Variants in SGIP1 observed in about 807,000 individuals in gnomAD.
The protein encoded by SGIP1 is SH3GL interacting endocytic adaptor 1, also known as SH3-containing GRB2-like protein 3-interacting protein 1.
SGIP1 carries 38 observed loss-of-function variants against 107.5 expected under a neutral mutation model. The ratio of observed to expected loss-of-function variants is 0.35; its 90% confidence interval spans 0.27 to 0.46. The LOEUF (loss-of-function observed/expected upper bound fraction) is 0.46, where lower values mean the gene tolerates loss of function less well. Among genes scored for constraint, SGIP1 ranks in the 20% least tolerant of loss-of-function variants. The pLI, the probability that SGIP1 is intolerant of heterozygous loss-of-function variation, is 1.00. For missense variants in SGIP1, 929 were observed against 1,019.5 expected (o/e 0.91, Z 1.21); for synonymous variants, 365 against 366.1 (o/e 1.00, Z 0.03).
intron 8 of SGIP1, among the ~76,000 whole-genome samples, chr1:66,663,910 G>A (rs968768600): frequency 5.9e-5 from 9 of 152,176 alleles, no homozygotes; most frequent in African/African-American, 1.9e-4. Flanking sequence ...AAAAGTAATA[G>A]CAAAAAACCG....
intron 1 of SGIP1, among the ~76,000 whole-genome samples, chr1:66,590,859 A>G (rs1454367879): frequency 6.6e-6 from 1 of 152,216 alleles, no homozygotes; most frequent in African/African-American, 2.4e-5. Flanking sequence ...TGCTAGAGTT[A>G]CAGGCCTGAT....
Position 66,730,429 on chromosome 1 carries a change from C to A in SGIP1, c.1898+1010C>A, listed in dbSNP as rs2093954586. Among the ~76,000 whole-genome samples, 3 of 152,124 alleles carry A rather than the reference C, an allele frequency of 2.0e-5. No individual in the cohort carries two copies. In the South Asian group the frequency reaches 6.2e-4, roughly 31 times the overall value. On this transcript the variant is annotated intron_variant, in intron 20 of 24. Coordinates refer to ENST00000371037, the MANE Select transcript of SGIP1 (RefSeq NM_032291.4). ...AATGAGCTGAAAGAAGTCTTCTTGA[C>A]AGCTTCTCCATCAAGTCCTGATGTT... is the stretch of plus-strand genomic sequence containing the variant.
At chr1:66,621,437 T>C (rs111886926) in intron 1 of SGIP1, among the ~76,000 whole-genome samples, 5 of 152,224 alleles carry the variant, frequency 3.3e-5, no homozygotes, top group African/African-American at 9.6e-5. Flanking sequence ...TTTTTTATCA[T>C]GGTAAAATAC....
chr1:66,624,500 G>A (rs1002749851), intron 1 of SGIP1, among the ~76,000 whole-genome samples: 2 of 152,090 alleles, frequency 1.3e-5, no homozygotes, highest in African/African-American at 4.8e-5. Flanking sequence ...TGTCTTAAAT[G>A]GATGACTATT....
At position 66,639,801 on chromosome 1, in the gene SGIP1, G is replaced by A; in HGVS notation, c.196G>A (p.Gly66Arg). 6.2e-7 allele frequency: 1 copy of A among 1,611,826 alleles called. No homozygotes were observed. The highest frequency in any genetic ancestry group is 1.7e-4 in the Middle Eastern group (1 of 6,044). Residue 66 changes from glycine (G) to arginine (R), a missense_variant, in exon 5 of 25, where the codon GGA becomes AGA. By Grantham distance (125) the Gly-to-Arg change is moderately radical. Around this residue, in one of 2 missense-constraint regions of SGIP1, gnomAD observed 588 missense variants for 588.6 expected, o/e 1.00. Coordinates refer to ENST00000371037, the MANE Select transcript of SGIP1 (RefSeq NM_032291.4). ...GAAGAAAAGCAATGGGGCACCAAAT[G>A]GATTTTATGCGGAAATTGATTGGGA... ...VSKKSNGAPN[G>R]FYAEIDWERY...
chr1:66,572,651 T>C (rs1293532839), intron 1 of SGIP1, among the ~76,000 whole-genome samples: 1 of 152,060 alleles, frequency 6.6e-6, no homozygotes. Flanking sequence ...ATGATAGTAG[T>C]TTCAAGCTCT....
chr1:66,739,600 T>C, intron 22 of SGIP1, 63 bp downstream of exon 22: 1 of 1,539,780 alleles, frequency 6.5e-7, no homozygotes, highest in Non-Finnish European at 8.9e-7. Context: ...ACAGACTCCT[T>C]AGCACTTGCG....
chr1:66,639,993 C>G (rs182141370), intron 5 of SGIP1, among the ~76,000 whole-genome samples, 160 bp downstream of exon 5: 104 of 152,252 alleles, frequency 6.8e-4, no homozygotes, highest in Non-Finnish European at 2.9e-4. Context: ...TAGAGTCTGT[C>G]AGAACTGGGT....
intron 20 of SGIP1, 87 bp from the exon 21 acceptor site, chr1:66,733,661 T>C (rs2094115317): frequency 1.4e-6 from 2 of 1,450,568 alleles, no homozygotes; most frequent in Non-Finnish European, 1.9e-6. Context: ...GCTGTACATA[T>C]CAGACGACAA....
rs1265422039 is a variant in SGIP1 at position 66,746,101 on chromosome 1, T to A, written c.*3006T>A. ...TTTTTTTTGTTTTATATATTCTTAG[T>A]CAGCAGAGTGTTTGAGCTATAATTA... On this transcript the variant is annotated 3_prime_UTR_variant, in exon 25 of 25. Coordinates refer to ENST00000371037, the MANE Select transcript of SGIP1 (RefSeq NM_032291.4). The A allele has an allele frequency of 6.6e-6, 1 of 152,162 alleles. No individual in the cohort carries two copies. Among genetic ancestry groups the A allele is most frequent in the Non-Finnish European group, 1.5e-5 (1 of 67,984 alleles). 9.4% of individuals were successfully genotyped at this position (152,162 alleles called of 1,614,324 possible). A position where few individuals can be genotyped will look rare whatever the true frequency, so the allele number is the denominator to read the frequency against.
chr1:66,653,777 C>CA (rs1297882891), intron 7 of SGIP1, among the ~76,000 whole-genome samples: 1 of 152,092 alleles, frequency 6.6e-6, no homozygotes, highest in Non-Finnish European at 1.5e-5. Context: ...TAATTGCAAT[C>CA]AAAAAACGCT....
At chr1:66,583,894 C>A (rs780844762) in intron 1 of SGIP1, among the ~76,000 whole-genome samples, 1 of 152,118 alleles carries the variant, frequency 6.6e-6, no homozygotes, top group Non-Finnish European at 1.5e-5. Context: ...AGCTTTGGTT[C>A]ATAAAGGTTA....
intron 24 of SGIP1, among the ~76,000 whole-genome samples, chr1:66,741,924 C>T (rs1380198587): frequency 1.3e-5 from 2 of 152,020 alleles, no homozygotes; most frequent in Non-Finnish European, 2.9e-5. Context: ...CCCACCACCA[C>T]GCATGGCTAA....
At chr1:66,631,938 G>A (rs758554040) in intron 2 of SGIP1, among the ~76,000 whole-genome samples, 1 of 152,090 alleles carries the variant, frequency 6.6e-6, no homozygotes, top group Non-Finnish European at 1.5e-5. Flanking sequence ...TAAAATGGGA[G>A]GTTATAAAAT....
intron 17 of SGIP1, chr1:66,694,550 T>C (rs1360642278): frequency 1.4e-6 from 2 of 1,465,136 alleles, no homozygotes; most frequent in Non-Finnish European, 9.1e-7. Context: ...ATTCCAAAAA[T>C]CCAAGCCATT....
intron 1 of SGIP1, among the ~76,000 whole-genome samples, chr1:66,611,794 G>A (rs1448657705): frequency 6.6e-6 from 1 of 152,188 alleles, no homozygotes. Flanking sequence ...CATCTCGGAG[G>A]ATGTTGGCAC....
At chr1:66,709,646 A>C (rs959417651) in intron 18 of SGIP1, among the ~76,000 whole-genome samples, 1 of 152,070 alleles carries the variant, frequency 6.6e-6, no homozygotes, top group East Asian at 1.9e-4. Context: ...CTGTATTCTC[A>C]CTCAGCAGGT....
At chr1:66,591,302 T>C (rs1283859069) in intron 1 of SGIP1, among the ~76,000 whole-genome samples, 2 of 152,244 alleles carry the variant, frequency 1.3e-5, no homozygotes, top group Non-Finnish European at 2.9e-5. Context: ...AATTGTACCT[T>C]GTTTAGGCCA....
At chr1:66,560,341 A>G (rs1329164856) in intron 1 of SGIP1, among the ~76,000 whole-genome samples, 1 of 152,060 alleles carries the variant, frequency 6.6e-6, no homozygotes, top group Non-Finnish European at 1.5e-5. Context: ...GCCCACCCTC[A>G]TTAGTTCCGC....
Sources: allele counts gnomAD v4.1 joint callset (sites outside exome capture counted in the v4.1 genomes callset), GRCh38; gene constraint gnomAD v4.1.1; regional missense constraint gnomAD v4.1.1; transcripts MANE v1.5; gene names NCBI Gene and HGNC (gene_info 2026-07-23, HGNC 2026-07-21).